RAB6A: variants seen among roughly 807,000 people sequenced by gnomAD.
RAB6A encodes the protein ras-related protein Rab-6A.
A neutral mutation model predicts 32.3 loss-of-function variants in RAB6A; 8 were observed. The ratio of observed to expected loss-of-function variants is 0.25; its 90% CI spans 0.15 to 0.45. The LOEUF is 0.45. Ranked by LOEUF, RAB6A falls within the 20% of genes least tolerant of loss-of-function variation. RAB6A has a pLI of 1.00. For synonymous variants in RAB6A, 73 were observed against 82.1 expected (o/e 0.89, Z 0.60); for missense variants, 104 against 249.4 (o/e 0.42, Z 3.93).
chr11:73,712,880 G>C (rs545016305), intron 5 of RAB6A, among the ~76,000 whole-genome samples: 2 of 151,696 alleles, frequency 1.3e-5, no homozygotes, highest in African/African-American at 2.4e-5. Context: ...ACTTCACCTG[G>C]CTAATTTTTA....
At chr11:73,745,209 T>C (rs769095087) in intron 1 of RAB6A, among the ~76,000 whole-genome samples, 2 of 152,192 alleles carry the variant, frequency 1.3e-5, no homozygotes, top group Non-Finnish European at 2.9e-5. Flanking sequence ...CTCTCTCAAC[T>C]ACACACGATA....
chr11:73,711,504 C>T lies in RAB6A; in HGVS notation c.402-3991G>A, dbSNP rs1945957301. 2.0e-5 allele frequency among the ~76,000 whole-genome samples: 3 copies of T among 152,146 alleles called. No individual in the cohort carries two copies. In the South Asian group the frequency reaches 6.2e-4, roughly 32 times the overall value. On this transcript the variant is annotated intron_variant, in intron 5 of 7. Transcript: ENST00000336083. The stretch of plus-strand genomic sequence containing the variant: ...GTTCGTAAGTTTGTCAAACCATTTT[C>T]CTTTTGTGGGCACCTGCGTTGTTTA...
At position 73,675,795 on chromosome 11, in the gene RAB6A, T is replaced by TA. The variant is rs979779449; in HGVS notation, c.*2102dup. 6.0e-6 allele frequency: 1 copy of TA among 166,536 alleles called. No individual in the cohort carries two copies. Among genetic ancestry groups the TA allele is most frequent in the African/African-American group, 2.4e-5 (1 of 41,444 alleles). The allele number at this position is 166,536 out of a possible 1,614,324, so 10.3% of individuals were successfully genotyped here. ...AAAGCAGTATAACTGGTTACTTTCTTAAAAATACATAAAAAGAATCAAATG... is the reference window on the plus strand; with the variant it reads ...AAAGCAGTATAACTGGTTACTTTCTTAAAAAATACATAAAAAGAATCAAATG... On this transcript the variant is annotated 3_prime_UTR_variant, in exon 8 of 8. Transcript: ENST00000336083.
In RAB6A at chr11:73,707,624, G is replaced by A. The variant is rs185538421; in HGVS notation, c.402-111C>T. ...CTTGATATAAGGACTGGTTATACAG[G>A]TCACATTAGTTTAAAAATTCATTAA... On this transcript the variant is annotated intron_variant, in intron 5 of 7. Coordinates refer to ENST00000336083, the MANE Select transcript of RAB6A (RefSeq NM_198896.2). 43 of 675,526 alleles carry A rather than the reference G, an allele frequency of 6.4e-5. 2 individuals are homozygous for A. In the East Asian group the frequency reaches 8.5e-4, roughly 13 times the overall value. 41.8% of individuals were successfully genotyped at this position (675,526 alleles called of 1,614,324 possible).
Position 73,677,761 on chromosome 11 carries a change from ACAGG to A in RAB6A, c.*133_*136del. The A allele has an allele frequency of 6.6e-7, 1 of 1,523,876 alleles. No individual in the cohort carries two copies. The highest frequency in any genetic ancestry group is 8.9e-7 in the Non-Finnish European group (1 of 1,118,914). 94.4% of individuals were successfully genotyped at this position (1,523,876 alleles called of 1,614,324 possible). A position where few individuals can be genotyped will look rare whatever the true frequency, so the allele number is the denominator to read the frequency against. ...GAAGCTAATAGATCATCTCCACGAG[ACAGG>A]CAGCAATGATGAATTGCAATACGTT... On this transcript the variant is annotated 3_prime_UTR_variant, in exon 8 of 8. Transcript: ENST00000336083.
At chr11:73,738,465 A>C (rs1046552708) in intron 1 of RAB6A, among the ~76,000 whole-genome samples, 17 of 152,156 alleles carry the variant, frequency 1.1e-4, no homozygotes, top group African/African-American at 3.9e-4. Context: ...CCGGGCAACA[A>C]AGCAAAACTC....
At chr11:73,684,312 G>A (rs996211772) in intron 6 of RAB6A, among the ~76,000 whole-genome samples, 9 of 152,178 alleles carry the variant, frequency 5.9e-5, no homozygotes, top group Admixed American at 2.6e-4. Flanking sequence ...GAGATTACAG[G>A]CATCGGCCAC....
intron 1 of RAB6A, among the ~76,000 whole-genome samples, chr11:73,737,476 C>T (rs567957151): frequency 2.9e-4 from 44 of 151,874 alleles, no homozygotes; most frequent in Middle Eastern, 3.4e-3. Flanking sequence ...GAGCAAGACC[C>T]TGTTTCTAAA....
At chr11:73,718,512 T>A (rs1946086048) in intron 4 of RAB6A, 101 bp downstream of exon 4, 1 of 1,006,598 alleles carries the variant, frequency 9.9e-7, no homozygotes, top group South Asian at 1.8e-5. Flanking sequence ...TAAAACTTAT[T>A]TTTACATGCC....
intron 7 of RAB6A, among the ~76,000 whole-genome samples, chr11:73,679,060 A>C (rs1945314321): frequency 1.3e-5 from 2 of 152,136 alleles, no homozygotes; most frequent in South Asian, 4.1e-4. Context: ...TATAACATTT[A>C]CAAGTGGGAA....
chr11:73,755,907 AGAG>A (rs1266880955), intron 1 of RAB6A, among the ~76,000 whole-genome samples: 25 of 151,842 alleles, frequency 1.6e-4, no homozygotes, highest in South Asian at 4.2e-4. Flanking sequence ...AGGAGGAAGA[AGAG>A]GAGGAGGAGA....
intron 1 of RAB6A, among the ~76,000 whole-genome samples, chr11:73,753,931 C>T (rs892428793): frequency 6.6e-6 from 1 of 152,186 alleles, no homozygotes; most frequent in African/African-American, 2.4e-5. Context: ...CCACCTGACA[C>T]TGTAGCAATT....
At chr11:73,736,802 A>C (rs1946400944) in intron 1 of RAB6A, among the ~76,000 whole-genome samples, 1 of 62,224 alleles carries the variant, frequency 1.6e-5, no homozygotes, top group Non-Finnish European at 3.2e-5. Flanking sequence ...GAGAAAGAAA[A>C]AAAAAAGAAA....
At chr11:73,696,589 CTT>C (rs1945659620) in intron 6 of RAB6A, among the ~76,000 whole-genome samples, 2 of 151,986 alleles carry the variant, frequency 1.3e-5, no homozygotes, top group African/African-American at 4.8e-5. Flanking sequence ...TTCAATTACT[CTT>C]AACAGATCAT....
chr11:73,750,076 GAAGT>G (rs1946651286), intron 1 of RAB6A, among the ~76,000 whole-genome samples: 1 of 152,126 alleles, frequency 6.6e-6, no homozygotes, highest in African/African-American at 2.4e-5. Flanking sequence ...ATGAGTGTTA[GAAGT>G]AAGTGAGAGA....
At chr11:73,756,111 G>C (rs1486322641) in intron 1 of RAB6A, among the ~76,000 whole-genome samples, 3 of 152,168 alleles carry the variant, frequency 2.0e-5, no homozygotes, top group African/African-American at 7.2e-5. Context: ...CCAGCACTTT[G>C]GGAGGCTGAG....
intron 6 of RAB6A, among the ~76,000 whole-genome samples, chr11:73,685,634 T>G (rs949001292): frequency 1.1e-5 from 1 of 91,210 alleles, no homozygotes; most frequent in Non-Finnish European, 2.2e-5. Context: ...ATCCCAGGAC[T>G]TTGGGAGGCC....
At chr11:73,744,072 C>T (rs1223675449) in intron 1 of RAB6A, among the ~76,000 whole-genome samples, 1 of 152,084 alleles carries the variant, frequency 6.6e-6, no homozygotes. Context: ...GGCGCAGTGG[C>T]TCACGCCTGT....
intron 1 of RAB6A, among the ~76,000 whole-genome samples, chr11:73,736,290 G>A (rs1407603930): frequency 1.3e-5 from 2 of 151,748 alleles, no homozygotes; most frequent in Non-Finnish European, 1.5e-5. Context: ...TCAGCCGGGT[G>A]TGGTGGCAGA....
Sources: allele counts gnomAD v4.1 joint callset (sites outside exome capture counted in the v4.1 genomes callset), GRCh38; gene constraint gnomAD v4.1.1; transcripts MANE v1.5; gene names NCBI Gene and HGNC (gene_info 2026-07-23, HGNC 2026-07-21).